Variants in NPTX2 observed in about 807,000 individuals in gnomAD.
NPTX2 encodes the protein neuronal pentraxin-2.
NPTX2 carries 23 observed loss-of-function variants against 38.1 expected under a neutral mutation model. The observed-to-expected ratio is 0.60, with a 90% CI of 0.43 to 0.85. The LOEUF (loss-of-function observed/expected upper bound fraction) is 0.85, where lower values mean the gene tolerates loss of function less well. NPTX2 is among the 40% of genes least tolerant of loss of function. NPTX2 has a pLI of 0.00. For synonymous variants in NPTX2, 291 were observed against 287.3 expected, an observed-to-expected ratio of 1.01 and a Z score of -0.13; for missense variants, 553 against 615.3, an observed-to-expected ratio of 0.90 and a Z score of 1.07.
At chr7:98,620,681 T>C (rs1278860576) in intron 2 of NPTX2, among the ~76,000 whole-genome samples, 1 of 152,184 alleles carries the variant, frequency 6.6e-6, no homozygotes, top group Non-Finnish European at 1.5e-5. Context: ...CAGCCGTTGC[T>C]GTGGCCCTCC....
Position 98,628,443 on chromosome 7 carries a change from C to G in NPTX2, c.1110C>G (p.Val370=), listed in dbSNP as rs34517768. Residue 370 remains valine (V), a synonymous_variant, in exon 5 of 5, where the codon GTC becomes GTG. Transcript: ENST00000265634. ...GGRFDATQAF[V]GELSQFNIWD... is the part of the protein sequence containing the mutation. ...GGTTTGATGCCACTCAGGCATTTGTCGGGGAGCTCAGCCAGTTCAACATAT... is the reference window on the plus strand; with the variant it reads ...GGTTTGATGCCACTCAGGCATTTGTGGGGGAGCTCAGCCAGTTCAACATAT... 1 of 1,610,464 alleles carries G rather than the reference C, an allele frequency of 6.2e-7. No homozygotes were observed. Among genetic ancestry groups the G allele is most frequent in the South Asian group, 1.1e-5 (1 of 90,432 alleles).
At chr7:98,618,569 T>TCCCCCCCCCCCCCCCCCCCCCCCC (rs145792464) in intron 1 of NPTX2, among the ~76,000 whole-genome samples, 1 of 30,094 alleles carries the variant, frequency 3.3e-5, no homozygotes, top group Non-Finnish European at 6.2e-5. Flanking sequence ...TCTCTCTCTC[T>TCCCCCCCCCCCCCCCCCCCCCCCC]CCCCCCCTCC....
At chr7:98,622,913 G>A (rs563543929) in intron 2 of NPTX2, among the ~76,000 whole-genome samples, 9 of 152,360 alleles carry the variant, frequency 5.9e-5, no homozygotes, top group African/African-American at 2.2e-4. Context: ...AGGTTAGAAA[G>A]GGGATAGGGG....
intron 3 of NPTX2, among the ~76,000 whole-genome samples, chr7:98,626,355 T>C (rs1380939593): frequency 6.8e-6 from 1 of 148,044 alleles, no homozygotes. Context: ...AGCCCCTCAC[T>C]CTGTTTGTCC....
chr7:98,617,899 C>G lies in NPTX2; in HGVS notation c.426+12C>G. The G allele has an allele frequency of 6.5e-7, 1 of 1,542,886 alleles. No homozygotes were observed. Among genetic ancestry groups the G allele is most frequent in the Non-Finnish European group, 8.7e-7 (1 of 1,152,040 alleles). The stretch of plus-strand genomic sequence containing the variant: ...TGGAGAGCCTCGAGGTAGCGGCCCG[C>G]GGGGAGCGCGGGGGACCTGGAATGG... On this transcript the variant is annotated intron_variant, in intron 1 of 4. Coordinates refer to ENST00000265634, the MANE Select transcript of NPTX2 (RefSeq NM_002523.3).
chr7:98,620,014 G>T (rs1791249183), intron 2 of NPTX2, 155 bp downstream of exon 2: 1 of 680,558 alleles, frequency 1.5e-6, no homozygotes, highest in Non-Finnish European at 2.5e-6. Context: ...ACTGAACAAG[G>T]TCATCTCAGG....
chr7:98,623,332 G>A (rs937097828), intron 2 of NPTX2, among the ~76,000 whole-genome samples: 2 of 152,206 alleles, frequency 1.3e-5, no homozygotes, highest in Non-Finnish European at 2.9e-5. Context: ...AAGGGCTGCC[G>A]CTGTGGTTTA....
Position 98,617,426 on chromosome 7 carries a change from C to A in NPTX2, c.-36C>A. On this transcript the variant is annotated 5_prime_UTR_variant, in exon 1 of 5. Coordinates refer to ENST00000265634, the MANE Select transcript of NPTX2 (RefSeq NM_002523.3). ...GCGGAGCGCCCCGACGGCGCCCGCT[C>A]GCCCATGCCGAGCTGAGCGCGGCAG... The A allele has an allele frequency of 2.7e-6, 2 of 743,550 alleles. No homozygotes were observed. Among genetic ancestry groups the A allele is most frequent in the South Asian group, 6.6e-5 (1 of 15,178 alleles). The allele number at this position is 743,550 out of a possible 1,614,324, so 46.1% of individuals were successfully genotyped here.
chr7:98,619,930 C>G, intron 2 of NPTX2, 71 bp downstream of exon 2: 1 of 1,350,568 alleles, frequency 7.4e-7, no homozygotes, highest in South Asian at 1.2e-5. Flanking sequence ...ACATGCGATT[C>G]TGGTTGATGG....
At chr7:98,619,212 A>C (rs899868992) in intron 1 of NPTX2, among the ~76,000 whole-genome samples, 1 of 152,166 alleles carries the variant, frequency 6.6e-6, no homozygotes, top group African/African-American at 2.4e-5. Context: ...ATAGTTATTT[A>C]CCTTGGTGCC....
rs548370277 is a variant in NPTX2, at chr7:98,622,149, T to C, written c.643+2290T>C. ...CTGAGAAAACCAAAGCTGCCTCTCT[T>C]CCAGCCCCAGGCTGCCCACCCCCTG... is the stretch of plus-strand genomic sequence containing the variant. On this transcript the variant is annotated intron_variant, in intron 2 of 4. Transcript: ENST00000265634. 2.0e-5 allele frequency among the ~76,000 whole-genome samples: 3 copies of C among 152,336 alleles called. No homozygotes were observed. In the East Asian group the frequency reaches 5.8e-4, roughly 29 times the overall value.
In NPTX2 at chr7:98,617,624, C is replaced by G; in HGVS notation, c.163C>G (p.Pro55Ala). ...AMPMQGGAQS[P>A]EEELRAAVLQ... is the part of the protein sequence containing the mutation. ...GCCCATGCAGGGCGGCGCGCAGAGT[C>G]CCGAGGAGGAGCTGAGGGCCGCGGT... is the stretch of plus-strand genomic sequence containing the variant. The change falls in exon 1 of 5, where the codon CCC becomes GCC. Residue 55 changes from proline to alanine, a missense_variant. Coordinates refer to ENST00000265634, the MANE Select transcript of NPTX2 (RefSeq NM_002523.3). 1.3e-6 allele frequency: 2 copies of G among 1,491,428 alleles called. No homozygotes were observed. The highest frequency in any genetic ancestry group is 8.9e-7 in the Non-Finnish European group (1 of 1,128,828). 92.4% of individuals were successfully genotyped at this position (1,491,428 alleles called of 1,614,324 possible).
rs561364197 is a variant in NPTX2, at chr7:98,626,146, CAAAAAAAA to C, written c.888+996_889-996del. On this transcript the variant is annotated intron_variant, in intron 3 of 4. Coordinates refer to ENST00000265634, the MANE Select transcript of NPTX2 (RefSeq NM_002523.3). The stretch of plus-strand genomic sequence containing the variant: ...TGGGTGACAGAGCGATACCCTGTCT[CAAAAAAAA>C]AAAAAAAAAAAAAAAGGCCACTTTG... 1.1e-3 allele frequency among the ~76,000 whole-genome samples: 82 copies of C among 71,418 alleles called. 1 individual carries two copies. The South Asian group carries it at 0.015, about 13-fold the overall frequency. The allele number at this position is 71,418 out of a possible 152,430, so 46.9% of individuals were successfully genotyped here.
rs113061173 is a variant in NPTX2 at position 98,617,900 on chromosome 7, G to T, written c.426+13G>T. ...GGAGAGCCTCGAGGTAGCGGCCCGC[G>T]GGGAGCGCGGGGGACCTGGAATGGG... On this transcript the variant is annotated intron_variant, in intron 1 of 4. Transcript: ENST00000265634. 3.8e-5 allele frequency: 59 copies of T among 1,540,872 alleles called. No individual in the cohort carries two copies. Among genetic ancestry groups the T allele is most frequent in the Non-Finnish European group, 3.7e-5 (43 of 1,151,418 alleles).
intron 3 of NPTX2, among the ~76,000 whole-genome samples, chr7:98,625,525 G>A (rs189435048): frequency 6.2e-4 from 95 of 152,328 alleles, no homozygotes; most frequent in African/African-American, 2.2e-3. Flanking sequence ...GGGTGTGTGT[G>A]TCTCAGTGTA....
rs752065727 is a variant in NPTX2, at chr7:98,625,140, C to G, written c.862C>G (p.Pro288Ala). 1.9e-6 allele frequency: 3 copies of G among 1,600,316 alleles called. No homozygotes were observed. In the Admixed American group the frequency reaches 5.0e-5, roughly 27 times the overall value. ...EIVLIEWGNN[P>A]IELLINDKVA... is the part of the protein sequence containing the mutation. The stretch of plus-strand genomic sequence containing the variant: ...CGTGCTGATCGAGTGGGGCAACAAC[C>G]CCATCGAGCTGCTCATCAACGACAA... Residue 288 changes from proline (P) to alanine (A), a missense_variant, in exon 3 of 5, where the codon CCC (proline) becomes GCC (alanine). Pro to Ala is a conservative substitution (Grantham distance 27, BLOSUM62 -1). Transcript: ENST00000265634.
Position 98,624,947 on chromosome 7 carries a change from T to G in NPTX2, c.669T>G (p.Asp223Glu), listed in dbSNP as rs1412720485. 2 of 1,613,244 alleles carry G rather than the reference T, an allele frequency of 1.2e-6. No individual in the cohort carries two copies. Among genetic ancestry groups the G allele is most frequent in the East Asian group, 2.2e-5 (1 of 44,864 alleles). Residue 223 changes from aspartate (D) to glutamate (E), a missense_variant, in exon 3 of 5, where the codon GAT becomes GAG. Transcript: ENST00000265634. ...ERGNSAFKSP[D>E]AFKVSLPLRT... ...GCAATAGCGCCTTTAAGTCACCAGA[T>G]GCGTTCAAGGTGTCCCTCCCACTCC... is the stretch of plus-strand genomic sequence containing the variant.
rs556197773 is a variant in NPTX2 at position 98,627,388 on chromosome 7, A to G, written c.1068+44A>G. ...CAGGTGGGCACAGGGTGGGTGCAGG[A>G]TGGGCACAGGGTGGCCGTGCGCCCT... On this transcript the variant is annotated intron_variant, in intron 4 of 4. Transcript: ENST00000265634. The G allele has an allele frequency of 3.8e-6, 6 of 1,560,376 alleles. No homozygotes were observed. The South Asian group carries it at 6.7e-5, about 17-fold the overall frequency.
rs1353980086 is a variant in NPTX2 at position 98,619,666 on chromosome 7, C to T, written c.450C>T (p.Ser150=). ...SLEHQLRANV[S]NAGLPGDFRE... ...AGCACCAGCTCAGAGCAAACGTGTC[C>T]AATGCTGGGCTGCCCGGCGACTTCC... The change falls in exon 2 of 5, where the codon TCC becomes TCT. Residue 150 remains serine (S), a synonymous_variant. Transcript: ENST00000265634. 2.5e-6 allele frequency: 4 copies of T among 1,613,180 alleles called. No homozygotes were observed. The African/African-American group carries it at 5.3e-5, about 22-fold the overall frequency.
Sources: allele counts gnomAD v4.1 joint callset (sites outside exome capture counted in the v4.1 genomes callset), GRCh38; gene constraint gnomAD v4.1.1; transcripts MANE v1.5; gene names NCBI Gene and HGNC (gene_info 2026-07-23, HGNC 2026-07-21).